CCDC3: variants seen among roughly 807,000 people sequenced by gnomAD.
CCDC3 encodes coiled-coil domain-containing protein 3.
CCDC3 carries 24 observed loss-of-function variants against 21.4 expected under a neutral mutation model. The observed-to-expected ratio is 1.12, with a 90% CI of 0.81 to 1.58. CCDC3 has a LOEUF of 1.58. Among genes scored for constraint, CCDC3 ranks in the 40% most tolerant of loss-of-function variants. The pLI is 0.00. For synonymous variants in CCDC3, 186 were observed against 166.0 expected (o/e 1.12, Z -0.93); for missense variants, 425 against 360.9 (o/e 1.18, Z -1.44).
intron 4 of CCDC3, among the ~76,000 whole-genome samples, chr10:13,069,219 C>T (rs978875297): frequency 6.6e-5 from 10 of 152,212 alleles, no homozygotes; most frequent in African/African-American, 2.4e-4. Context: ...TGTGCCATTG[C>T]ACTCCAGCCT....
chr10:12,970,962 A>AT lies in CCDC3; in HGVS notation c.549+27375dup, dbSNP rs554945545. On this transcript the variant is annotated intron_variant, in intron 2 of 2. Transcript: ENST00000378825. ...TAAAGCACTTCGCAAAGTTTGGCCT[A>AT]TCATTAAACCCTTCTACTTCTCAAC... is the stretch of plus-strand genomic sequence containing the variant. Among the ~76,000 whole-genome samples, 160 of 152,304 alleles carry AT rather than the reference A, an allele frequency of 1.1e-3. 1 individual carries two copies. The highest frequency in any genetic ancestry group is 3.7e-3 in the African/African-American group (153 of 41,562).
intron 5 of CCDC3, among the ~76,000 whole-genome samples, chr10:13,031,461 CA>C (rs1348964150): frequency 1.3e-5 from 2 of 152,066 alleles, no homozygotes; most frequent in Non-Finnish European, 2.9e-5. Flanking sequence ...CAAATACATT[CA>C]AAAGCTAGCA....
chr10:13,065,853 G>A (rs182553168), intron 4 of CCDC3, among the ~76,000 whole-genome samples: 13 of 152,148 alleles, frequency 8.5e-5, no homozygotes, highest in African/African-American at 2.9e-4. Flanking sequence ...GACAGGAACC[G>A]AGTCTCTTTA....
chr10:12,953,475 A>C (rs552294426), intron 2 of CCDC3, among the ~76,000 whole-genome samples: 1 of 152,232 alleles, frequency 6.6e-6, no homozygotes, highest in Non-Finnish European at 1.5e-5. Context: ...TAAAATACAG[A>C]GAGAATACAG....
chr10:12,932,038 CTA>C (rs1564288708), intron 2 of CCDC3, among the ~76,000 whole-genome samples: 1 of 152,212 alleles, frequency 6.6e-6, no homozygotes, highest in East Asian at 1.9e-4. Context: ...TGTCCTGACA[CTA>C]TTGAGTCTTC....
intron 2 of CCDC3, among the ~76,000 whole-genome samples, chr10:12,928,064 C>T (rs1834573965): frequency 6.6e-6 from 1 of 152,180 alleles, no homozygotes; most frequent in Non-Finnish European, 1.5e-5. Context: ...TGTGCACACC[C>T]AGGGCCTCAG....
intron 2 of CCDC3, among the ~76,000 whole-genome samples, chr10:12,986,529 C>T (rs1055936557): frequency 6.6e-6 from 1 of 152,190 alleles, no homozygotes; most frequent in Non-Finnish European, 1.5e-5. Context: ...AATCCCAGCA[C>T]TTTGGGAGGC....
intron 5 of CCDC3, among the ~76,000 whole-genome samples, chr10:13,019,686 A>G (rs1346718937): frequency 1.3e-5 from 2 of 152,212 alleles, no homozygotes; most frequent in Admixed American, 6.5e-5. Context: ...TATGTTTTTC[A>G]AGACTGCATG....
chr10:12,930,951 C>G (rs1834629566), intron 2 of CCDC3, among the ~76,000 whole-genome samples: 1 of 152,168 alleles, frequency 6.6e-6, no homozygotes, highest in South Asian at 2.1e-4. Context: ...TGGCTCACAC[C>G]TGTAATCCCA....
chr10:13,018,926 G>A (rs934310440), intron 5 of CCDC3, among the ~76,000 whole-genome samples: 12 of 146,098 alleles, frequency 8.2e-5, no homozygotes, highest in Non-Finnish European at 1.5e-4. Flanking sequence ...GACAAGAGCG[G>A]AACTCTGTCT....
At chr10:12,922,320 T>A (rs945784874) in intron 2 of CCDC3, among the ~76,000 whole-genome samples, 2 of 151,910 alleles carry the variant, frequency 1.3e-5, no homozygotes, top group African/African-American at 2.4e-5. Flanking sequence ...GGAGCTCCCA[T>A]CTGTGCCAGT....
At chr10:12,914,834 G>A (rs1286245849) in intron 2 of CCDC3, among the ~76,000 whole-genome samples, 1 of 152,052 alleles carries the variant, frequency 6.6e-6, no homozygotes, top group Non-Finnish European at 1.5e-5. Context: ...CTGATCTTCT[G>A]TATTATTTTT....
chr10:13,082,161 T>C (rs892969031), intron 3 of CCDC3, among the ~76,000 whole-genome samples: 59 of 150,100 alleles, frequency 3.9e-4, no homozygotes, highest in Admixed American at 1.9e-3. Context: ...ACCACCAAGA[T>C]GTGGAGACTG....
In CCDC3 at chr10:12,916,350, T is replaced by C. The variant is rs190143608; in HGVS notation, c.550-17671A>G. On this transcript the variant is annotated intron_variant, in intron 2 of 2. Coordinates refer to ENST00000378825, the MANE Select transcript of CCDC3 (RefSeq NM_031455.4). Reference sequence around the variant, plus strand: ...AGGAGGCTGAGGCAGGAGAATCTCTTGAACCTGGGAGGCGGAGGTTGAGCT... The same window carrying C: ...AGGAGGCTGAGGCAGGAGAATCTCTCGAACCTGGGAGGCGGAGGTTGAGCT... Among the ~76,000 whole-genome samples the C allele has an allele frequency of 1.1e-4, 17 of 150,380 alleles. No individual in the cohort carries two copies. In the East Asian group the frequency reaches 3.0e-3, roughly 26 times the overall value.
At chr10:12,998,685 G>A (rs1335416058) in intron 1 of CCDC3, among the ~76,000 whole-genome samples, 173 bp from the exon 2 acceptor site, 1 of 152,156 alleles carries the variant, frequency 6.6e-6, no homozygotes, top group South Asian at 2.1e-4. Flanking sequence ...CGCTACATCA[G>A]TCTATCCTTA....
intron 2 of CCDC3, among the ~76,000 whole-genome samples, chr10:12,959,981 C>T (rs1835153959): frequency 6.6e-6 from 1 of 152,154 alleles, no homozygotes; most frequent in South Asian, 2.1e-4. Flanking sequence ...TGGCGAAACC[C>T]CGTCTCTACT....
chr10:13,019,824 C>T (rs1014357000), intron 5 of CCDC3, among the ~76,000 whole-genome samples: 1 of 151,712 alleles, frequency 6.6e-6, no homozygotes, highest in African/African-American at 2.4e-5. Flanking sequence ...GGTGAAACCC[C>T]GTCTTTACTA....
At chr10:12,934,166 G>A (rs1175926343) in intron 2 of CCDC3, among the ~76,000 whole-genome samples, 6 of 152,076 alleles carry the variant, frequency 3.9e-5, no homozygotes, top group East Asian at 3.9e-4. Context: ...AAAATATTTC[G>A]AAATTTTTCT....
At chr10:12,992,206 A>G (rs1280995150) in intron 2 of CCDC3, among the ~76,000 whole-genome samples, 2 of 152,158 alleles carry the variant, frequency 1.3e-5, no homozygotes, top group Non-Finnish European at 2.9e-5. Flanking sequence ...TCTGGCCAAC[A>G]TGGTGAAACA....
Sources: allele counts gnomAD v4.1 joint callset (sites outside exome capture counted in the v4.1 genomes callset), GRCh38; gene constraint gnomAD v4.1.1; transcripts MANE v1.5; gene names NCBI Gene and HGNC (gene_info 2026-07-23, HGNC 2026-07-21).